Variants in FREM2 observed in about 807,000 individuals in gnomAD.
The protein encoded by FREM2 is FRAS1-related extracellular matrix protein 2.
In FREM2, 119 loss-of-function variants were observed where a neutral mutation model predicts 219.9. The observed-to-expected ratio is 0.54, with a 90% CI of 0.47 to 0.63. The LOEUF (loss-of-function observed/expected upper bound fraction) is 0.63, where lower values mean the gene tolerates loss of function less well. Among genes scored for constraint, FREM2 ranks in the 30% least tolerant of loss-of-function variants. The pLI is 0.00. For synonymous variants in FREM2, 1,562 were observed against 1,522.8 expected, an observed-to-expected ratio of 1.03 and a Z score of -0.60; for missense variants, 4,030 against 3,993.6, an observed-to-expected ratio of 1.01 and a Z score of -0.25.
chr13:38,738,068 G>A (rs964085461), intron 2 of FREM2, among the ~76,000 whole-genome samples: 2 of 152,140 alleles, frequency 1.3e-5, no homozygotes, highest in South Asian at 2.1e-4. Flanking sequence ...TTGCTGATTA[G>A]GTATGGGAGT....
At chr13:38,810,941 A>T (rs542424794) in intron 6 of FREM2, among the ~76,000 whole-genome samples, 5 of 152,126 alleles carry the variant, frequency 3.3e-5, no homozygotes, top group Admixed American at 6.5e-5. Flanking sequence ...TCAGCTCCCA[A>T]GCTTTTCTTT....
intron 6 of FREM2, among the ~76,000 whole-genome samples, chr13:38,800,051 T>G (rs1874950561): frequency 6.6e-6 from 1 of 152,148 alleles, no homozygotes; most frequent in Non-Finnish European, 1.5e-5. Context: ...ATCTGTTACT[T>G]TTTTTCCCTC....
chr13:38,773,631 A>G (rs1024783482), intron 4 of FREM2, among the ~76,000 whole-genome samples: 3 of 151,948 alleles, frequency 2.0e-5, no homozygotes, highest in African/African-American at 7.3e-5. Flanking sequence ...GAGTCTTACT[A>G]TGTTGCCCAG....
At chr13:38,833,838 C>G (rs966966067) in intron 6 of FREM2, among the ~76,000 whole-genome samples, 1 of 152,058 alleles carries the variant, frequency 6.6e-6, no homozygotes, top group African/African-American at 2.4e-5. Context: ...TTGCCTGTCT[C>G]CAGAACTAGA....
At chr13:38,778,006 G>A (rs1873945492) in intron 4 of FREM2, among the ~76,000 whole-genome samples, 1 of 152,158 alleles carries the variant, frequency 6.6e-6, no homozygotes, top group South Asian at 2.1e-4. Flanking sequence ...GTCCTGGCTT[G>A]TTTAATCAAA....
intron 6 of FREM2, among the ~76,000 whole-genome samples, chr13:38,801,329 T>C (rs1874998841): frequency 6.6e-6 from 1 of 152,188 alleles, no homozygotes; most frequent in Non-Finnish European, 1.5e-5. Context: ...TTCTTTGGGA[T>C]TTTGTGAATT....
intron 22 of FREM2, among the ~76,000 whole-genome samples, chr13:38,878,568 T>C (rs1376310725): frequency 3.3e-5 from 5 of 151,428 alleles, no homozygotes. Flanking sequence ...GAGTCCCAGC[T>C]ACTTGGGAGG....
chr13:38,879,695 A>G lies in FREM2; in HGVS notation c.9007-589A>G, dbSNP rs147642966. ...TTGTTATTCTCAATCTTTTCAAACA[A>G]GAAGTTGAAGTATGATATGTTTTAT... On this transcript the variant is annotated intron_variant, in intron 23 of 23. Transcript: ENST00000280481. Among the ~76,000 whole-genome samples the G allele has an allele frequency of 5.2e-3, 795 of 152,356 alleles. 3 individuals are homozygous for G. The highest frequency in any genetic ancestry group is 6.0e-3 in the Non-Finnish European group (407 of 68,034).
At position 38,867,495 on chromosome 13, in the gene FREM2, T is replaced by G. The variant is rs1477471741; in HGVS notation, c.7983+2889T>G. On this transcript the variant is annotated intron_variant, in intron 16 of 23. Coordinates refer to ENST00000280481, the MANE Select transcript of FREM2 (RefSeq NM_207361.6). ...ACTCTCTTGAAGTGAAACTTAGAGA[T>G]GTTGTGTTAGTCAGGGTTCTCCCCA... is the stretch of plus-strand genomic sequence containing the variant. Among the ~76,000 whole-genome samples the G allele has an allele frequency of 2.0e-5, 3 of 152,322 alleles. No homozygotes were observed. The East Asian group carries it at 5.8e-4, about 29-fold the overall frequency.
intron 12 of FREM2, 60 bp downstream of exon 12, chr13:38,856,316 A>G: frequency 6.8e-7 from 1 of 1,476,474 alleles, no homozygotes; most frequent in Non-Finnish European, 9.4e-7. Flanking sequence ...GAAATGCATA[A>G]AAGCAATCAC....
intron 6 of FREM2, among the ~76,000 whole-genome samples, chr13:38,825,669 T>C (rs1337994051): frequency 6.6e-6 from 1 of 152,116 alleles, no homozygotes; most frequent in Non-Finnish European, 1.5e-5. Flanking sequence ...ATTACATGTA[T>C]CTGAACACCA....
In FREM2 at chr13:38,885,663, G is replaced by A. The variant is rs1878701502; in HGVS notation, c.*4876G>A. The A allele has an allele frequency of 6.6e-6, 1 of 152,064 alleles. No homozygotes were observed. Among genetic ancestry groups the A allele is most frequent in the Admixed American group, 6.6e-5 (1 of 15,262 alleles). 9.4% of individuals were successfully genotyped at this position (152,064 alleles called of 1,614,324 possible). ...GGTAAGTCCACACAGCATTTGTGCA[G>A]TATCCCTTCTGTGTAAAATGTTAAG... is the stretch of plus-strand genomic sequence containing the variant. On this transcript the variant is annotated 3_prime_UTR_variant, in exon 24 of 24. Transcript: ENST00000280481.
intron 2 of FREM2, among the ~76,000 whole-genome samples, chr13:38,740,143 C>T (rs1471481980): frequency 6.6e-6 from 1 of 152,036 alleles, no homozygotes; most frequent in Non-Finnish European, 1.5e-5. Context: ...TCATCATAAT[C>T]TATTTTAGGA....
Position 38,856,045 on chromosome 13 carries a change from TAAAAAAAAA to T in FREM2, c.6926-67_6926-59del, listed in dbSNP as rs34182165. 9 of 602,280 alleles carry T rather than the reference TAAAAAAAAA, an allele frequency of 1.5e-5. No individual in the cohort carries two copies. In the African/African-American group the frequency reaches 1.9e-4, roughly 13 times the overall value. The allele number at this position is 602,280 out of a possible 1,614,324, so 37.3% of individuals were successfully genotyped here. A position where few individuals can be genotyped will look rare whatever the true frequency, so the allele number is the denominator to read the frequency against. The stretch of plus-strand genomic sequence containing the variant: ...ATGTATTTCTCATTGTAGGCCACAG[TAAAAAAAAA>T]AAAAAAAAAAAAATAGAAAACTTCT... On this transcript the variant is annotated intron_variant, in intron 11 of 23. Coordinates refer to ENST00000280481, the MANE Select transcript of FREM2 (RefSeq NM_207361.6).
intron 3 of FREM2, among the ~76,000 whole-genome samples, chr13:38,767,554 G>A (rs1449536964): frequency 1.3e-5 from 2 of 152,218 alleles, no homozygotes; most frequent in Admixed American, 6.5e-5. Flanking sequence ...AGAAAAGTGA[G>A]CAGTAGCTAT....
intron 2 of FREM2, among the ~76,000 whole-genome samples, chr13:38,746,164 T>C (rs928059619): frequency 2.6e-5 from 4 of 152,212 alleles, no homozygotes; most frequent in East Asian, 1.9e-4. Flanking sequence ...AGACCACTTA[T>C]GCTAAGTAGG....
chr13:38,877,132 G>C lies in FREM2; in HGVS notation c.8560G>C (p.Ala2854Pro), dbSNP rs1227789468. The C allele has an allele frequency of 6.2e-7, 1 of 1,613,972 alleles. No homozygotes were observed. The highest frequency in any genetic ancestry group is 8.5e-7 in the Non-Finnish European group (1 of 1,179,978). ...IRFQQVSDPV[A>P]AEFSLNTQMY... ...TTGGTTTTAGGTCAGTGATCCAGTG[G>C]CTGCTGAGTTTAGCTTGAACACCCA... The change falls in exon 21 of 24, where the codon GCT (alanine) becomes CCT (proline). Residue 2854 changes from alanine (A) to proline (P), a missense_variant. By Grantham distance (27) the Ala-to-Pro change is conservative. Transcript: ENST00000280481.
At chr13:38,728,486 G>C (rs938688895) in intron 2 of FREM2, among the ~76,000 whole-genome samples, 3 of 151,328 alleles carry the variant, frequency 2.0e-5, no homozygotes, top group East Asian at 3.9e-4. Context: ...GCTCGGTGCA[G>C]CCTCCACTTC....
chr13:38,688,909 A>G lies in FREM2; in HGVS notation c.1565A>G (p.Asp522Gly), dbSNP rs1869646658. The G allele has an allele frequency of 1.9e-6, 3 of 1,613,130 alleles. No homozygotes were observed. The highest frequency in any genetic ancestry group is 2.5e-6 in the Non-Finnish European group (3 of 1,179,514). The stretch of plus-strand genomic sequence containing the variant: ...GCCGGCCAGGTGGTCTACCAGCATG[A>G]TGACAGAGACGGCTCGCTGAGCGAC... ...LAAGQVVYQH[D>G]DRDGSLSDNL... The change falls in exon 1 of 24, where the codon GAT becomes GGT. Residue 522 changes from aspartate to glycine, a missense_variant. Transcript: ENST00000280481.
Sources: gnomAD v4.1 joint callset for allele counts (sites outside exome capture counted in the v4.1 genomes callset) on GRCh38, gnomAD v4.1.1 for gene constraint, MANE v1.5 for transcripts, NCBI Gene and HGNC (gene_info 2026-07-23, HGNC 2026-07-21) for gene names.